MTRF1: variants seen among roughly 807,000 people sequenced by gnomAD.
The protein encoded by MTRF1 is peptide chain release factor 1, mitochondrial.
A neutral mutation model predicts 62.9 loss-of-function variants in MTRF1; 51 were observed. The ratio of observed to expected loss-of-function variants is 0.81; its 90% CI spans 0.65 to 1.02. The LOEUF (loss-of-function observed/expected upper bound fraction) is 1.02, where lower values mean the gene tolerates loss of function less well. Among genes scored for constraint, MTRF1 ranks in the 50% least tolerant of loss-of-function variants. MTRF1 has a pLI of 0.00. For synonymous variants in MTRF1, 158 were observed against 181.9 expected (o/e 0.87, Z 1.06); for missense variants, 446 against 530.0 (o/e 0.84, Z 1.56).
chr13:41,240,150 G>A lies in MTRF1; in HGVS notation c.870+111C>T, dbSNP rs558827161. On this transcript the variant is annotated intron_variant, in intron 6 of 9. Coordinates refer to ENST00000379480, the MANE Select transcript of MTRF1 (RefSeq NM_004294.4). ...TGTACTCCAACCTGGGCGACAGAGC[G>A]AGACTCTGTCTCAAAAAAAAAAAAA... 42 of 1,113,244 alleles carry A rather than the reference G, an allele frequency of 3.8e-5. No individual in the cohort carries two copies. In the African/African-American group the frequency reaches 5.6e-4, roughly 15 times the overall value. 69.0% of individuals were successfully genotyped at this position (1,113,244 alleles called of 1,614,324 possible).
intron 6 of MTRF1, chr13:41,235,092 ATT>A (rs58626397): frequency 2.1e-3 from 306 of 142,718 alleles, no homozygotes; most frequent in South Asian, 0.016. Context: ...AATTTAGCTA[ATT>A]TTTTTTTTTT....
the MTRF1 span, among the ~76,000 whole-genome samples, chr13:41,306,793 A>G: frequency 2.6e-5 from 4 of 152,222 alleles, no homozygotes; most frequent in Non-Finnish European, 4.4e-5. Context: ...ATCTGGGTGG[A>G]TGTCCATGAT....
chr13:41,260,957 T>A, intron 1 of MTRF1, 42 bp from the exon 2 acceptor site: 1 of 1,415,180 alleles, frequency 7.1e-7, no homozygotes, highest in Non-Finnish European at 9.5e-7. Flanking sequence ...AAATCATCTC[T>A]AAAGATACAT....
intron 5 of MTRF1, 175 bp downstream of exon 5, chr13:41,252,470 T>C (rs1253110784): frequency 1.1e-5 from 5 of 447,374 alleles, no homozygotes; most frequent in African/African-American, 4.0e-5. Flanking sequence ...TGTCTTCTCC[T>C]AGCTAACAAC....
chr13:41,243,151 G>A (rs1361373940), intron 5 of MTRF1, among the ~76,000 whole-genome samples: 7 of 152,060 alleles, frequency 4.6e-5, no homozygotes, highest in Admixed American at 3.9e-4. Context: ...CCTGAGAGGC[G>A]GAGGTCGCAG....
At chr13:41,263,863 C>T (rs2040737788), upstream of MTRF1, among the ~76,000 whole-genome samples, 1 of 152,128 alleles carries the variant, frequency 6.6e-6, no homozygotes, top group Admixed American at 6.5e-5. Context: ...CCAGAGCGCC[C>T]ACCAAAGAAT....
At chr13:41,311,877 G>T in the MTRF1 span, among the ~76,000 whole-genome samples, 1 of 152,244 alleles carries the variant, frequency 6.6e-6, no homozygotes, top group African/African-American at 2.4e-5. Context: ...CAGCCGCCTC[G>T]GCCGGTAGTG....
intron 1 of MTRF1, 25 bp from the exon 2 acceptor site, chr13:41,260,940 T>TAA (rs3215932): frequency 1.6e-3 from 2,198 of 1,393,274 alleles, no homozygotes; most frequent in Non-Finnish European, 1.8e-3. Context: ...ACACAGTCTT[T>TAA]AAAAAAAAAT....
At chr13:41,254,506 C>T (rs1454532038) in intron 3 of MTRF1, 23 bp downstream of exon 3, 1 of 1,579,036 alleles carries the variant, frequency 6.3e-7, no homozygotes. Flanking sequence ...ACTATTGAAA[C>T]TAGTCGACCT....
chr13:41,290,119 T>C, the MTRF1 span, among the ~76,000 whole-genome samples: 3 of 132,232 alleles, frequency 2.3e-5, no homozygotes, highest in East Asian at 6.8e-4. Flanking sequence ...TTTTTTGAGA[T>C]GGAGTCTCGC....
intron 9 of MTRF1, chr13:41,220,611 GT>G (rs1021952758): frequency 7.8e-7 from 1 of 1,288,238 alleles, no homozygotes; most frequent in Non-Finnish European, 1.0e-6. Context: ...AATGTGCAGG[GT>G]CACGACTACC....
At chr13:41,304,535 GAAGA>G in the MTRF1 span, among the ~76,000 whole-genome samples, 6 of 152,316 alleles carry the variant, frequency 3.9e-5, no homozygotes, top group African/African-American at 1.4e-4. Flanking sequence ...AAGGAATTTA[GAAGA>G]AAGAAACTAT....
At position 41,260,652 on chromosome 13, in the gene MTRF1, A is replaced by G; in HGVS notation, c.256T>C (p.Tyr86His). ...QKYMENLSKE[Y>H]QTLEQCLQHI... ...TGCAGACATTGCTCAAGTGTTTGGTACTCCTTACTCAGGTTCTCCATATAT... is the reference window on the plus strand; with the variant it reads ...TGCAGACATTGCTCAAGTGTTTGGTGCTCCTTACTCAGGTTCTCCATATAT... The change falls in exon 2 of 10, where the codon TAC (tyrosine) becomes CAC (histidine). Residue 86 changes from tyrosine (Y) to histidine (H), a missense_variant. Transcript: ENST00000379480. 1 of 1,613,964 alleles carries G rather than the reference A, an allele frequency of 6.2e-7. No individual in the cohort carries two copies. Among genetic ancestry groups the G allele is most frequent in the Non-Finnish European group, 8.5e-7 (1 of 1,179,982 alleles).
chr13:41,300,912 T>C, the MTRF1 span, among the ~76,000 whole-genome samples: 1 of 152,208 alleles, frequency 6.6e-6, no homozygotes, highest in African/African-American at 2.4e-5. Context: ...GCAGGGGGCA[T>C]GACTGAAGCT....
chr13:41,237,509 T>G (rs1221654990), intron 6 of MTRF1, among the ~76,000 whole-genome samples: 3 of 152,180 alleles, frequency 2.0e-5, no homozygotes, highest in African/African-American at 7.2e-5. Context: ...GCATTCTTTT[T>G]TTTTTGAAAC....
rs374889688 is a variant in MTRF1 at position 41,253,045 on chromosome 13, A to G, written c.508-15T>C. 1.9e-6 allele frequency: 3 copies of G among 1,568,010 alleles called. No homozygotes were observed. The highest frequency in any genetic ancestry group is 2.7e-5 in the African/African-American group (2 of 73,012). On this transcript the variant is annotated splice_polypyrimidine_tract_variant and intron_variant, in intron 3 of 9. Coordinates refer to ENST00000379480, the MANE Select transcript of MTRF1 (RefSeq NM_004294.4). ...CTCTGGAAAAGCTGGAATAAAAATCAGCATTTGTGTGTATATTTTCCCCGG... is the reference window on the plus strand; with the variant it reads ...CTCTGGAAAAGCTGGAATAAAAATCGGCATTTGTGTGTATATTTTCCCCGG...
At chr13:41,222,543 C>T (rs537045772) in intron 9 of MTRF1, among the ~76,000 whole-genome samples, 24 of 152,280 alleles carry the variant, frequency 1.6e-4, no homozygotes, top group African/African-American at 5.3e-4. Flanking sequence ...TCAAAAGGAA[C>T]ATTATCCAGG....
chr13:41,273,394 C>T, the MTRF1 span, among the ~76,000 whole-genome samples: 12 of 152,006 alleles, frequency 7.9e-5, no homozygotes, highest in African/African-American at 2.7e-4. Context: ...AATGTGAACC[C>T]CAAATATCTG....
chr13:41,266,342 T>G (rs1303057960), upstream of MTRF1, among the ~76,000 whole-genome samples: 7 of 152,134 alleles, frequency 4.6e-5, no homozygotes, highest in Admixed American at 3.3e-4. Context: ...CTGGGCGTGG[T>G]GGCTCACGCC....
Sources: gnomAD v4.1 joint callset for allele counts (sites outside exome capture counted in the v4.1 genomes callset) on GRCh38, gnomAD v4.1.1 for gene constraint, MANE v1.5 for transcripts, NCBI Gene and HGNC (gene_info 2026-07-23, HGNC 2026-07-21) for gene names.